The following ZNF534 variants were observed in gnomAD, a reference collection of about 807,000 sequenced individuals.
ZNF534 encodes the protein KRAB domain only 3.
ZNF534 carries 19 observed loss-of-function variants against 13.6 expected under a neutral mutation model. That is an observed-to-expected ratio of 1.40 (90% confidence interval 0.97 to 2.05). ZNF534 has a LOEUF of 2.05. ZNF534 is among the 30% of genes most tolerant of loss of function. The pLI is 0.00. For synonymous variants in ZNF534, 244 were observed against 273.8 expected, an observed-to-expected ratio of 0.89 and a Z score of 1.07; for missense variants, 782 against 796.3, an observed-to-expected ratio of 0.98 and a Z score of 0.22.
chr19:52,438,111 T>C lies in ZNF534; in HGVS notation c.651T>C (p.Ser217=). The change falls in exon 5 of 5, where the codon AGT becomes AGC. Residue 217 remains serine, a synonymous_variant. Transcript: ENST00000433050. ...IHIADKTYKC[S]DCGEIFSSNS... is the part of the protein sequence containing the mutation. ...TTGCAGATAAAACTTACAAATGTAG[T>C]GACTGTGGCGAGATCTTTAGTAGCA... 1 of 1,614,138 alleles carries C rather than the reference T, an allele frequency of 6.2e-7. No individual in the cohort carries two copies. The highest frequency in any genetic ancestry group is 8.5e-7 in the Non-Finnish European group (1 of 1,180,000).
At chr19:52,429,984 A>G (rs376237359) in intron 1 of ZNF534, among the ~76,000 whole-genome samples, 5 of 150,386 alleles carry the variant, frequency 3.3e-5, no homozygotes, top group Middle Eastern at 3.5e-3. Flanking sequence ...AATGCCCTCC[A>G]GGCACATGAG....
intron 4 of ZNF534, among the ~76,000 whole-genome samples, chr19:52,436,332 A>C (rs1599863134): frequency 6.6e-6 from 1 of 152,078 alleles, no homozygotes; most frequent in African/African-American, 2.4e-5. Context: ...ACAGTTTCCT[A>C]TTATATGTCA....
At chr19:52,433,236 C>CAAAAAAA (rs1171627054) in intron 2 of ZNF534, among the ~76,000 whole-genome samples, 97 of 64,412 alleles carry the variant, frequency 1.5e-3, no homozygotes, top group East Asian at 2.6e-3. Flanking sequence ...GATCCTATCT[C>CAAAAAAA]AAAAAAAAAA....
intron 3 of ZNF534, among the ~76,000 whole-genome samples, chr19:52,434,708 G>A (rs1470598274): frequency 6.8e-6 from 1 of 147,062 alleles, no homozygotes; most frequent in Non-Finnish European, 1.5e-5. Context: ...TCAAGCCTGG[G>A]CAACAGAGTG....
At chr19:52,445,544 C>T (rs543161007), downstream of ZNF534, among the ~76,000 whole-genome samples, 1 of 152,242 alleles carries the variant, frequency 6.6e-6, no homozygotes, top group East Asian at 1.9e-4. Context: ...GAATCTTCTC[C>T]CATGATCTAG....
chr19:52,438,092 A>G lies in ZNF534; in HGVS notation c.632A>G (p.Asp211Gly), dbSNP rs1037432136. 9.9e-6 allele frequency: 16 copies of G among 1,614,092 alleles called. No individual in the cohort carries two copies. The highest frequency in any genetic ancestry group is 3.3e-5 in the South Asian group (3 of 91,092). ...LTNRQVIHIA[D>G]KTYKCSDCGE... is the part of the protein sequence containing the mutation. ...AACCGTCAAGTAATCCACATTGCAG[A>G]TAAAACTTACAAATGTAGTGACTGT... Residue 211 changes from aspartate (D) to glycine (G), a missense_variant, in exon 5 of 5, where the codon GAT becomes GGT. By Grantham distance (94) the Asp-to-Gly change is moderately conservative. Around this residue, in one of 5 missense-constraint regions of ZNF534, gnomAD observed 591 missense variants for 574.0 expected, o/e 1.03. Coordinates refer to ENST00000433050, the MANE Select transcript of ZNF534 (RefSeq NM_001143938.3).
intron 4 of ZNF534, among the ~76,000 whole-genome samples, chr19:52,448,191 T>C (rs1299973435): frequency 1.3e-5 from 2 of 152,004 alleles, no homozygotes; most frequent in Non-Finnish European, 2.9e-5. Flanking sequence ...CGAGGTGGGC[T>C]GATCACTTGA....
At chr19:52,431,712 T>G (rs571473552) in intron 2 of ZNF534, among the ~76,000 whole-genome samples, 1 of 152,270 alleles carries the variant, frequency 6.6e-6, no homozygotes, top group South Asian at 2.1e-4. Flanking sequence ...TCCTGGGAAG[T>G]GCTCACACCC....
At chr19:52,447,586 G>A (rs1267516109) in intron 4 of ZNF534, among the ~76,000 whole-genome samples, 2 of 152,128 alleles carry the variant, frequency 1.3e-5, no homozygotes, top group East Asian at 1.9e-4. Flanking sequence ...CCATAGACAA[G>A]TGTTGAATTT....
exon 5 of ZNF534, chr19:52,451,724 T>G: frequency 1.5e-6 from 1 of 682,782 alleles, no homozygotes; most frequent in Non-Finnish European, 2.7e-6. Context: ...GCAAAACACT[T>G]TGTTGATGTA....
chr19:52,433,274 G>T (rs2059101902), intron 2 of ZNF534, among the ~76,000 whole-genome samples: 2 of 144,068 alleles, frequency 1.4e-5, no homozygotes, highest in Admixed American at 6.9e-5. Flanking sequence ...AGAAAGCACT[G>T]TAGACATTGT....
Position 52,438,221 on chromosome 19 carries a change from A to G in ZNF534, c.761A>G (p.Asn254Ser). 1.2e-6 allele frequency: 2 copies of G among 1,614,018 alleles called. No individual in the cohort carries two copies. Among genetic ancestry groups the G allele is most frequent in the East Asian group, 2.2e-5 (1 of 44,864 alleles). Residue 254 changes from asparagine to serine, a missense_variant, in exon 5 of 5, where the codon AAT (asparagine) becomes AGT (serine). Transcript: ENST00000433050. ...GAATGTGGCAAAGTCTTCAATCAGA[A>G]TTCACACCTTGCACAACATCAGAAA... ...YNECGKVFNQ[N>S]SHLAQHQKIH...
Position 52,438,253 on chromosome 19 carries a change from A to G in ZNF534, c.793A>G (p.Thr265Ala). The G allele has an allele frequency of 6.2e-7, 1 of 1,605,698 alleles. No homozygotes were observed. The highest frequency in any genetic ancestry group is 8.5e-7 in the Non-Finnish European group (1 of 1,173,578). ...CCTTGCACAACATCAGAAAATTCAT[A>G]CTGGACAGAAACCTTACAATAACAA... Reference protein sequence around the residue: ...SHLAQHQKIHTGQKPYNNKEC... With the variant: ...SHLAQHQKIHAGQKPYNNKEC... Residue 265 changes from threonine to alanine, a missense_variant, in exon 5 of 5, where the codon ACT becomes GCT. Thr to Ala is a moderately conservative substitution (Grantham distance 58). Coordinates refer to ENST00000433050, the MANE Select transcript of ZNF534 (RefSeq NM_001143938.3).
At chr19:52,446,086 T>C (rs1457715459), downstream of ZNF534, among the ~76,000 whole-genome samples, 2 of 152,212 alleles carry the variant, frequency 1.3e-5, no homozygotes, top group Non-Finnish European at 2.9e-5. Context: ...CAAGTTGATA[T>C]AAGATGGTCA....
At chr19:52,433,849 G>A (rs763170191) in intron 2 of ZNF534, 106 bp from the exon 3 acceptor site, 228 of 1,284,750 alleles carry the variant, frequency 1.8e-4, no homozygotes, top group East Asian at 1.3e-3. Context: ...TGGATTTGGC[G>A]CAGTGCTCGC....
rs71180462 is a variant in ZNF534, at chr19:52,439,764, G to GA, written c.*330dup. Reference sequence around the variant, plus strand: ...AGAGTGAAACTCCATCTCAAAAAAAGAAAAAAAAAAAATGAGTGAAGCTGC... The same window carrying GA: ...AGAGTGAAACTCCATCTCAAAAAAAGAAAAAAAAAAAAATGAGTGAAGCTGC... On this transcript the variant is annotated 3_prime_UTR_variant, in exon 5 of 5. Coordinates refer to ENST00000433050, the MANE Select transcript of ZNF534 (RefSeq NM_001143938.3). Among the ~76,000 whole-genome samples the GA allele has an allele frequency of 0.025, 3,783 of 149,336 alleles. 167 individuals carry two copies. The highest frequency in any genetic ancestry group is 0.088 in the African/African-American group (3,565 of 40,384).
chr19:52,439,183 G>A lies in ZNF534; in HGVS notation c.1723G>A (p.Glu575Lys), dbSNP rs1381981830. The A allele has an allele frequency of 1.3e-6, 2 of 1,542,376 alleles. No individual in the cohort carries two copies. The highest frequency in any genetic ancestry group is 2.5e-5 in the South Asian group (2 of 80,364). ...GCGACATAGGAATATTCATACTGGA[G>A]AGAAGCCTCACAGTTGTAATGAATG... ...LARHRNIHTG[E>K]KPHSCNECGK... Residue 575 changes from glutamate (E) to lysine (K), a missense_variant, in exon 5 of 5, where the codon GAG (glutamate) becomes AAG (lysine). Physicochemically the swap from Glu to Lys is moderately conservative, Grantham distance 56. Around this residue, in one of 5 missense-constraint regions of ZNF534, gnomAD observed 591 missense variants for 574.0 expected, o/e 1.03. Transcript: ENST00000433050.
intron 4 of ZNF534, among the ~76,000 whole-genome samples, chr19:52,449,481 A>G (rs2059205535): frequency 6.6e-6 from 1 of 152,052 alleles, no homozygotes; most frequent in South Asian, 2.1e-4. Flanking sequence ...ACTAATTTGC[A>G]TTCTCACCAA....
rs71180463 is a variant in ZNF534, at chr19:52,442,057, T to TC, written c.*2611_*2612insC. Among the ~76,000 whole-genome samples the TC allele has an allele frequency of 0.92, 139,290 of 151,990 alleles. 64,170 individuals carry two copies. Among genetic ancestry groups the TC allele is most frequent in the Non-Finnish European group, 0.96 (65,525 of 67,972 alleles). ...AAATCACTAGAAATCAAAATATACTTTTGGATAAAACGACACAGATGGATT... is the reference window on the plus strand; with the variant it reads ...AAATCACTAGAAATCAAAATATACTTCTTGGATAAAACGACACAGATGGATT... On this transcript the variant is annotated 3_prime_UTR_variant, in exon 5 of 5. Coordinates refer to ENST00000433050, the MANE Select transcript of ZNF534 (RefSeq NM_001143938.3).
Sources: gnomAD v4.1 joint callset for allele counts (sites outside exome capture counted in the v4.1 genomes callset) on GRCh38, gnomAD v4.1.1 for gene constraint, gnomAD v4.1.1 regional missense constraint, MANE v1.5 for transcripts, NCBI Gene and HGNC (gene_info 2026-07-23, HGNC 2026-07-21) for gene names.